DUOX1: variants seen among roughly 807,000 people sequenced by gnomAD.
The protein encoded by DUOX1 is NADPH thyroid oxidase 1.
In DUOX1, 134 loss-of-function variants were observed where a neutral mutation model predicts 181.8. The ratio of observed to expected loss-of-function variants is 0.74; its 90% confidence interval spans 0.64 to 0.85. DUOX1 has a LOEUF of 0.85. Among genes scored for constraint, DUOX1 ranks in the 40% least tolerant of loss-of-function variants. The pLI is 0.00. For missense variants in DUOX1, 1,814 were observed against 2,064.4 expected, an observed-to-expected ratio of 0.88 and a Z score of 2.35; for synonymous variants, 798 against 832.5, an observed-to-expected ratio of 0.96 and a Z score of 0.71.
chr15:45,160,300 A>G (rs1897066469), intron 28 of DUOX1, among the ~76,000 whole-genome samples: 2 of 152,110 alleles, frequency 1.3e-5, no homozygotes, highest in African/African-American at 4.8e-5. Context: ...TAGCCATGGG[A>G]AGAACCAGGA....
rs765218624 is a variant in DUOX1, at chr15:45,161,778, G to T, written c.3897G>T (p.Glu1299Asp). The change falls in exon 30 of 34, where the codon GAG becomes GAT. Residue 1299 changes from glutamate (E) to aspartate (D), a missense_variant. Physicochemically the swap from Glu to Asp is conservative, Grantham distance 45. Coordinates refer to ENST00000389037, the MANE Select transcript of DUOX1 (RefSeq NM_175940.3). ...GGTTCCAGCGGCCCCAGGGCTTTGA[G>T]TACAAGTCAGGGCAGTGGGTGCGGA... ...HLRFQRPQGF[E>D]YKSGQWVRIA... The T allele has an allele frequency of 6.2e-7, 1 of 1,613,974 alleles. No individual in the cohort carries two copies. Among genetic ancestry groups the T allele is most frequent in the South Asian group, 1.1e-5 (1 of 91,070 alleles).
intron 18 of DUOX1, 27 bp from the exon 19 acceptor site, chr15:45,147,402 TCTCC>T (rs1401212334): frequency 1.2e-6 from 2 of 1,604,600 alleles, no homozygotes; most frequent in Non-Finnish European, 1.7e-6. Context: ...CCTTGTCTCC[TCTCC>T]CTCCCTCTGC....
At position 45,161,693 on chromosome 15, in the gene DUOX1, T is replaced by A. The variant is rs764995004; in HGVS notation, c.3857-45T>A. On this transcript the variant is annotated intron_variant, in intron 29 of 33. Coordinates refer to ENST00000389037, the MANE Select transcript of DUOX1 (RefSeq NM_175940.3). Reference sequence around the variant, plus strand: ...GGGAGCTCTCTGGAGGCCACATTGTTGCTGGGTTCAGGGCAGCAGCTTCTC... The same window carrying A: ...GGGAGCTCTCTGGAGGCCACATTGTAGCTGGGTTCAGGGCAGCAGCTTCTC... 5.7e-6 allele frequency: 9 copies of A among 1,577,118 alleles called. No individual in the cohort carries two copies. The South Asian group carries it at 8.9e-5, about 16-fold the overall frequency.
intron 33 of DUOX1, among the ~76,000 whole-genome samples, chr15:45,164,310 T>G (rs1043140111): frequency 6.6e-6 from 1 of 152,162 alleles, no homozygotes; most frequent in South Asian, 2.1e-4. Flanking sequence ...TAGCCCTCCA[T>G]GAGACCCTGA....
At chr15:45,133,792 A>C in intron 2 of DUOX1, 72 bp from the exon 3 acceptor site, 1 of 1,343,982 alleles carries the variant, frequency 7.4e-7, no homozygotes, top group Non-Finnish European at 1.1e-6. Context: ...CACAGCACCC[A>C]TATCCGGCAG....
intron 21 of DUOX1, 124 bp downstream of exon 21, chr15:45,148,571 G>A (rs1896721528): frequency 9.7e-7 from 1 of 1,032,540 alleles, no homozygotes; most frequent in Non-Finnish European, 1.4e-6. Context: ...AAAAATGAAT[G>A]TAGTAATATG....
intron 13 of DUOX1, 57 bp downstream of exon 13, chr15:45,141,127 C>G: frequency 1.2e-6 from 2 of 1,604,878 alleles, no homozygotes; most frequent in Non-Finnish European, 1.7e-6. Context: ...CCCAGACCCT[C>G]TTTCTGGCCT....
rs765515769 is a variant in DUOX1, at chr15:45,135,145, G to A, written c.349G>A (p.Gly117Ser). Residue 117 changes from glycine to serine, a missense_variant, in exon 5 of 34, where the codon GGC becomes AGC. Gly to Ser is a moderately conservative substitution (Grantham distance 56, BLOSUM62 0). This residue lies in a region of DUOX1 where 320 missense variants were observed against 313.1 expected (regional missense o/e 1.02). Transcript: ENST00000389037. The part of the protein sequence containing the change: ...LSDLVSVETP[G>S]CPAEFLNIRI... ...AGACCTGGTGAGCGTGGAAACTCCC[G>A]GCTGCCCCGCCGAGTTCCTCAACAT... is the stretch of plus-strand genomic sequence containing the variant. The A allele has an allele frequency of 1.2e-6, 2 of 1,613,756 alleles. No homozygotes were observed. Among genetic ancestry groups the A allele is most frequent in the Admixed American group, 1.7e-5 (1 of 60,004 alleles).
Position 45,152,225 on chromosome 15 carries a change from C to A in DUOX1, c.3194-61C>A. 4.6e-6 allele frequency: 7 copies of A among 1,528,866 alleles called. No individual in the cohort carries two copies. The South Asian group carries it at 7.4e-5, about 16-fold the overall frequency. 94.7% of individuals were successfully genotyped at this position (1,528,866 alleles called of 1,614,324 possible). On this transcript the variant is annotated intron_variant, in intron 24 of 33. Transcript: ENST00000389037. ...TGGCAGCCGGCCAGGGCCTACCGCC[C>A]CTAACCAGCTCTCTGTCCTCTGCAC...
In DUOX1 at chr15:45,162,951, G is replaced by A. The variant is rs900190420; in HGVS notation, c.4248+574G>A. On this transcript the variant is annotated intron_variant, in intron 31 of 33. Transcript: ENST00000389037. The stretch of plus-strand genomic sequence containing the variant: ...CTCTGGGCCTGGCAGGTGAGTCAGG[G>A]GTGCTGGAATGCAGTGGGCAGAGGC... Among the ~76,000 whole-genome samples the A allele has an allele frequency of 4.6e-5, 7 of 152,228 alleles. No individual in the cohort carries two copies. In the South Asian group the frequency reaches 8.3e-4, roughly 18 times the overall value.
At chr15:45,164,254 C>G (rs1456366388) in intron 33 of DUOX1, among the ~76,000 whole-genome samples, 1 of 152,202 alleles carries the variant, frequency 6.6e-6, no homozygotes, top group African/African-American at 2.4e-5. Context: ...ACTGAGGGAA[C>G]CTTTACCATG....
chr15:45,157,937 T>G (rs1034840424), intron 28 of DUOX1, among the ~76,000 whole-genome samples: 1 of 152,108 alleles, frequency 6.6e-6, no homozygotes, highest in African/African-American at 2.4e-5. Flanking sequence ...AGCACCCTCT[T>G]TGTTCCCACT....
Position 45,161,925 on chromosome 15 carries a change from G to T in DUOX1, c.4044G>T (p.Glu1348Asp). Residue 1348 changes from glutamate (E) to aspartate (D), a missense_variant, in exon 30 of 34, where the codon GAG becomes GAT. Around this residue, in one of 5 missense-constraint regions of DUOX1, gnomAD observed 279 missense variants for 381.9 expected, o/e 0.73. Transcript: ENST00000389037. Reference protein sequence around the residue: ...AAGPWTTRLREIYSAPTGDRC... With the variant: ...AAGPWTTRLRDIYSAPTGDRC... ...GGCCCTGGACCACTCGCCTCAGGGA[G>T]ATCTACTCAGCCCCGACGGGTGACA... is the stretch of plus-strand genomic sequence containing the variant. The T allele has an allele frequency of 6.2e-7, 1 of 1,613,972 alleles. No individual in the cohort carries two copies. Among genetic ancestry groups the T allele is most frequent in the Non-Finnish European group, 8.5e-7 (1 of 1,179,980 alleles).
At position 45,156,053 on chromosome 15, in the gene DUOX1, G is replaced by A. The variant is rs1416559562; in HGVS notation, c.3702+124G>A. The A allele has an allele frequency of 2.1e-5, 28 of 1,326,306 alleles. No homozygotes were observed. In the East Asian group the frequency reaches 4.4e-4, roughly 21 times the overall value. The allele number at this position is 1,326,306 out of a possible 1,614,324, so 82.2% of individuals were successfully genotyped here. ...TGAAGCATCCTCTTCACTTCTCGACGTCCCTCTTTGAAGGTGGAGATGATA... is the reference window on the plus strand; with the variant it reads ...TGAAGCATCCTCTTCACTTCTCGACATCCCTCTTTGAAGGTGGAGATGATA... On this transcript the variant is annotated intron_variant, in intron 28 of 33. Coordinates refer to ENST00000389037, the MANE Select transcript of DUOX1 (RefSeq NM_175940.3).
At chr15:45,155,772 T>C in intron 27 of DUOX1, 30 bp from the exon 28 acceptor site, 1 of 1,612,634 alleles carries the variant, frequency 6.2e-7, no homozygotes, top group Non-Finnish European at 8.5e-7. Flanking sequence ...GCACTGATCT[T>C]CTGCCTTCCA....
intron 25 of DUOX1, chr15:45,153,129 G>C (rs1488630937): frequency 2.3e-6 from 1 of 440,528 alleles, no homozygotes; most frequent in African/African-American, 2.0e-5. Context: ...GCTGAGGCAG[G>C]AGAATTGCTT....
At chr15:45,152,945 G>T in intron 25 of DUOX1, 1 of 317,444 alleles carries the variant, frequency 3.2e-6, no homozygotes, top group Non-Finnish European at 5.9e-6. Flanking sequence ...GTCCAGGCCG[G>T]CGCGGCGGCT....
At chr15:45,140,138 T>C (rs1019270979) in intron 12 of DUOX1, 34 of 979,530 alleles carry the variant, frequency 3.5e-5, no homozygotes, top group African/African-American at 8.3e-5. Context: ...AGGGGTCCTG[T>C]TCAGCTGCTA....
At chr15:45,153,271 GTAC>G (rs1896864114) in intron 25 of DUOX1, 106 bp from the exon 26 acceptor site, 2 of 713,982 alleles carry the variant, frequency 2.8e-6, no homozygotes, top group East Asian at 6.0e-5. Context: ...GACTCCTAAG[GTAC>G]TTCTCTGGGA....
Sources: allele counts gnomAD v4.1 joint callset (sites outside exome capture counted in the v4.1 genomes callset), GRCh38; gene constraint gnomAD v4.1.1; regional missense constraint gnomAD v4.1.1; transcripts MANE v1.5; gene names NCBI Gene and HGNC (gene_info 2026-07-23, HGNC 2026-07-21).